The following SARS1 variants were observed in gnomAD, a reference collection of about 807,000 sequenced individuals.
SARS1 encodes the protein seryl-tRNA synthetase 1.
In SARS1, 25 loss-of-function variants were observed where a neutral mutation model predicts 63.7. The ratio of observed to expected loss-of-function variants is 0.39; its 90% CI spans 0.29 to 0.55. The LOEUF (loss-of-function observed/expected upper bound fraction) is 0.55. Ranked by LOEUF, SARS1 falls within the 20% of genes least tolerant of loss-of-function variation. The pLI is 0.62. For missense variants in SARS1, 417 were observed against 649.7 expected (o/e 0.64, Z 3.89); for synonymous variants, 231 against 243.5 (o/e 0.95, Z 0.48).
chr1:109,214,122 C>A lies in SARS1; in HGVS notation c.130C>A (p.Arg44=), dbSNP rs764018501. 18 of 1,613,532 alleles carry A rather than the reference C, an allele frequency of 1.1e-5. No homozygotes were observed. In the Middle Eastern group the frequency reaches 4.9e-4, roughly 44 times the overall value. The change falls in exon 1 of 11, where the codon CGA becomes AGA. Residue 44 remains arginine (R), a synonymous_variant. Coordinates refer to ENST00000234677, the MANE Select transcript of SARS1 (RefSeq NM_006513.4). The surrounding 1 kb of genome is among the most constrained non-coding windows in gnomAD (Gnocchi z 4.6). The part of the protein sequence containing the change: ...DQLVKADSEW[R]RCRFRADNLN... Reference sequence around the variant, plus strand: ...GCTGGTGAAGGCAGACAGCGAGTGGCGACGATGTAAGTACCGGGACGGGCG... The same window carrying A: ...GCTGGTGAAGGCAGACAGCGAGTGGAGACGATGTAAGTACCGGGACGGGCG...
chr1:109,225,060 G>A (rs1655036069), intron 2 of SARS1, among the ~76,000 whole-genome samples: 1 of 152,180 alleles, frequency 6.6e-6, no homozygotes, highest in Non-Finnish European at 1.5e-5. Flanking sequence ...AGCCAAGATT[G>A]CGCTACTGAG....
Position 109,230,989 on chromosome 1 carries a change from G to A in SARS1, c.559G>A (p.Val187Met), listed in dbSNP as rs188804802. The change falls in exon 5 of 11, where the codon GTG becomes ATG. Residue 187 changes from valine (V) to methionine (M), a missense_variant. Val to Met is a conservative substitution (Grantham distance 21). This residue lies in a region of SARS1 where 359 missense variants were observed against 529.6 expected (regional missense o/e 0.68). Transcript: ENST00000234677. ...VDGFEGEKGA[V>M]VAGSRGYFLK... is the part of the protein sequence containing the mutation. ...TGGCTTTGAAGGCGAAAAGGGGGCC[G>A]TGGTGGCTGGGAGTCGAGGGTACTT... 1.6e-5 allele frequency: 24 copies of A among 1,547,130 alleles called. No individual in the cohort carries two copies. The Admixed American group carries it at 2.5e-4, about 16-fold the overall frequency.
At chr1:109,226,124 C>CA (rs1315047145) in intron 2 of SARS1, among the ~76,000 whole-genome samples, 1 of 150,614 alleles carries the variant, frequency 6.6e-6, no homozygotes, top group Non-Finnish European at 1.5e-5. Context: ...TCCCTAGTAG[C>CA]ATGCCACCAC....
intron 2 of SARS1, among the ~76,000 whole-genome samples, chr1:109,227,448 C>G (rs1447331317): frequency 6.6e-6 from 1 of 152,150 alleles, no homozygotes; most frequent in Non-Finnish European, 1.5e-5. Context: ...CTGGTTACAC[C>G]CCTGCCATTT....
intron 3 of SARS1, 46 bp from the exon 4 acceptor site, chr1:109,229,368 C>G (rs1318107825): frequency 6.3e-7 from 1 of 1,597,820 alleles, no homozygotes; most frequent in African/African-American, 1.3e-5. Flanking sequence ...CCTGTGCTGT[C>G]CTTGCCTCAC....
Position 109,213,965 on chromosome 1 carries a change from C to T in SARS1, c.-28C>T, listed in dbSNP as rs766629396. 1.9e-6 allele frequency: 3 copies of T among 1,598,116 alleles called. No individual in the cohort carries two copies. The highest frequency in any genetic ancestry group is 2.3e-5 in the East Asian group (1 of 43,734). On this transcript the variant is annotated 5_prime_UTR_variant, in exon 1 of 11. Coordinates refer to ENST00000234677, the MANE Select transcript of SARS1 (RefSeq NM_006513.4). ...AGTGCTGCGGCGCGATCCTTGCTTCCCTGAGCGTTGGCCCGGGAGGAAAGA... is the reference window on the plus strand; with the variant it reads ...AGTGCTGCGGCGCGATCCTTGCTTCTCTGAGCGTTGGCCCGGGAGGAAAGA...
At chr1:109,233,048 C>T (rs965432140) in intron 6 of SARS1, among the ~76,000 whole-genome samples, 13 of 152,266 alleles carry the variant, frequency 8.5e-5, no homozygotes, top group African/African-American at 3.1e-4. Context: ...GAACTTTCTG[C>T]ACTGATGGAA....
At position 109,237,606 on chromosome 1, in the gene SARS1, C is replaced by A; in HGVS notation, c.1388-125C>A. 8.6e-7 allele frequency: 1 copy of A among 1,169,290 alleles called. No individual in the cohort carries two copies. Among genetic ancestry groups the A allele is most frequent in the Non-Finnish European group, 1.2e-6 (1 of 822,152 alleles). 72.4% of individuals were successfully genotyped at this position (1,169,290 alleles called of 1,614,324 possible). A position where few individuals can be genotyped will look rare whatever the true frequency, so the allele number is the denominator to read the frequency against. On this transcript the variant is annotated intron_variant, in intron 10 of 10. Coordinates refer to ENST00000234677, the MANE Select transcript of SARS1 (RefSeq NM_006513.4). The surrounding 1 kb of genome is among the most constrained non-coding windows in gnomAD (Gnocchi z 4.1). ...CTAGGGAAGAAAAGAATAAAGGAAA[C>A]CAGTGCCTATCAAAGGGACCCCTCT...
intron 6 of SARS1, among the ~76,000 whole-genome samples, chr1:109,234,782 A>G (rs992613849): frequency 6.6e-6 from 1 of 152,168 alleles, no homozygotes; most frequent in African/African-American, 2.4e-5. Context: ...CTTGGCCAAC[A>G]TGGTGAAACC....
Position 109,214,781 on chromosome 1 carries a change from T to C in SARS1, c.136+653T>C. On this transcript the variant is annotated intron_variant, in intron 1 of 10. Transcript: ENST00000234677. This position sits in a 1 kb window ranked among gnomAD's most constrained non-coding sequence, Gnocchi z 4.6. ...GAGGCGAGCAAAAGATTGTAATGAC[T>C]GAAGCTGTTTAATTGTGATTTGTGG... 4.1e-6 allele frequency: 4 copies of C among 985,456 alleles called. No individual in the cohort carries two copies. The highest frequency in any genetic ancestry group is 3.5e-5 in the African/African-American group (2 of 57,342). The allele number at this position is 985,456 out of a possible 1,614,324, so 61.0% of individuals were successfully genotyped here.
At chr1:109,236,807 A>G (rs1431259752) in intron 9 of SARS1, 2 of 1,595,082 alleles carry the variant, frequency 1.3e-6, no homozygotes. Context: ...AACTCCAGAG[A>G]AAGAATAATC....
chr1:109,235,390 C>T lies in SARS1; in HGVS notation c.928C>T (p.Arg310Cys), dbSNP rs1159298504. 4 of 1,613,672 alleles carry T rather than the reference C, an allele frequency of 2.5e-6. No individual in the cohort carries two copies. The highest frequency in any genetic ancestry group is 1.7e-6 in the Non-Finnish European group (2 of 1,180,038). ...CFRQEVGSHG[R>C]DTRGIFRVHQ... ...CCGTCAGGAGGTGGGCTCCCATGGC[C>T]GTGACACCCGTGGCATCTTCCGAGT... Residue 310 changes from arginine to cysteine, a missense_variant, in exon 7 of 11, where the codon CGT (arginine) becomes TGT (cysteine). Around this residue, in one of 3 missense-constraint regions of SARS1, gnomAD observed 359 missense variants for 529.6 expected, o/e 0.68. Transcript: ENST00000234677. The surrounding 1 kb of genome is among the most constrained non-coding windows in gnomAD (Gnocchi z 4.7).
chr1:109,218,828 T>C (rs1465983658), intron 1 of SARS1, among the ~76,000 whole-genome samples: 1 of 152,110 alleles, frequency 6.6e-6, no homozygotes, highest in Non-Finnish European at 1.5e-5. Flanking sequence ...ATCTTACAAA[T>C]CTCTTACAGC....
At position 109,237,631 on chromosome 1, in the gene SARS1, T is replaced by G; in HGVS notation, c.1388-100T>G. 4.4e-6 allele frequency: 6 copies of G among 1,361,258 alleles called. No individual in the cohort carries two copies. Among genetic ancestry groups the G allele is most frequent in the Non-Finnish European group, 6.1e-6 (6 of 983,360 alleles). 84.3% of individuals were successfully genotyped at this position (1,361,258 alleles called of 1,614,324 possible). A position where few individuals can be genotyped will look rare whatever the true frequency, so the allele number is the denominator to read the frequency against. ...CCAGTGCCTATCAAAGGGACCCCTC[T>G]GTTCAAAGGGATCATTGTCTTGTTG... On this transcript the variant is annotated intron_variant, in intron 10 of 10. Transcript: ENST00000234677. The surrounding 1 kb of genome is among the most constrained non-coding windows in gnomAD (Gnocchi z 4.1).
chr1:109,225,000 G>C (rs1227884320), intron 2 of SARS1, among the ~76,000 whole-genome samples: 1 of 152,170 alleles, frequency 6.6e-6, no homozygotes, highest in Non-Finnish European at 1.5e-5. Flanking sequence ...AGCTACTCAG[G>C]AGGCTGAGGT....
intron 1 of SARS1, chr1:109,216,623 T>C: frequency 1.0e-6 from 1 of 980,104 alleles, no homozygotes; most frequent in Non-Finnish European, 1.2e-6. Flanking sequence ...CATTGAAAAT[T>C]GAAGTTGTTG....
rs1379573789 is a variant in SARS1 at position 109,228,408 on chromosome 1, T to C, written c.264T>C (p.Asp88=). Residue 88 remains aspartate, a synonymous_variant, in exon 3 of 11, where the codon GAT becomes GAC. Transcript: ENST00000234677. ...ESVPENVLSF[D]DLTADALANL... Reference sequence around the variant, plus strand: ...TCCCAGAGAATGTGCTGAGTTTCGATGACCTTACTGCAGACGCTTTAGCTG... The same window carrying C: ...TCCCAGAGAATGTGCTGAGTTTCGACGACCTTACTGCAGACGCTTTAGCTG... 3 of 1,613,072 alleles carry C rather than the reference T, an allele frequency of 1.9e-6. No homozygotes were observed. The highest frequency in any genetic ancestry group is 3.3e-5 in the Admixed American group (2 of 60,012).
Position 109,229,446 on chromosome 1 carries a change from A to G in SARS1, c.321A>G (p.Arg107=), listed in dbSNP as rs750819700. Residue 107 remains arginine (R), a synonymous_variant, in exon 4 of 11, where the codon CGA becomes CGG. Transcript: ENST00000234677. The stretch of plus-strand genomic sequence containing the variant: ...AAGTCTCACAAATCAAAAAAGTCCG[A>G]CTCCTCATTGATGAAGCCATCCTGA... ...NLKVSQIKKV[R]LLIDEAILKC... 3.7e-6 allele frequency: 6 copies of G among 1,613,888 alleles called. No individual in the cohort carries two copies. The South Asian group carries it at 6.6e-5, about 18-fold the overall frequency.
At chr1:109,225,697 G>A (rs1655048572) in intron 2 of SARS1, among the ~76,000 whole-genome samples, 1 of 152,226 alleles carries the variant, frequency 6.6e-6, no homozygotes. Context: ...CAGAGCTGGA[G>A]TGCAGATAGT....
Sources: gnomAD v4.1 joint callset for allele counts (sites outside exome capture counted in the v4.1 genomes callset) on GRCh38, gnomAD v4.1.1 for gene constraint, gnomAD v4.1.1 regional missense constraint, Gnocchi (gnomAD v3.1) non-coding constraint, MANE v1.5 for transcripts, NCBI Gene and HGNC (gene_info 2026-07-23, HGNC 2026-07-21) for gene names.